MITF: variants seen among roughly 807,000 people sequenced by gnomAD.
MITF encodes the protein microphthalmia-associated transcription factor.
Under a neutral mutation model 60.5 loss-of-function variants are expected in MITF, and 17 were observed. The ratio of observed to expected loss-of-function variants is 0.28; its 90% CI spans 0.19 to 0.42. MITF has a LOEUF of 0.42. MITF is among the 10% of genes least tolerant of loss of function. The probability of loss-of-function intolerance (pLI) is 1.00; values close to 1 mark genes in which losing one functional copy is unlikely to be tolerated. For missense variants in MITF, 622 were observed against 683.5 expected, an observed-to-expected ratio of 0.91 and a Z score of 1.00; for synonymous variants, 260 against 248.5, an observed-to-expected ratio of 1.05 and a Z score of -0.43.
chr3:69,760,321 T>C (rs918742955), intron 1 of MITF, among the ~76,000 whole-genome samples: 6 of 152,034 alleles, frequency 3.9e-5, no homozygotes, highest in South Asian at 2.1e-4. Flanking sequence ...AGCCCCCAGA[T>C]TGGGGCCTAG....
intron 7 of MITF, among the ~76,000 whole-genome samples, chr3:69,955,968 G>A (rs996704773): frequency 3.3e-5 from 5 of 152,168 alleles, no homozygotes; most frequent in South Asian, 2.1e-4. Flanking sequence ...AGTAAAAAAT[G>A]TGTGGAAATT....
chr3:69,774,885 A>T (rs1430867469), intron 1 of MITF, among the ~76,000 whole-genome samples: 1 of 152,126 alleles, frequency 6.6e-6, no homozygotes, highest in African/African-American at 2.4e-5. Context: ...GCTGGAGGGG[A>T]AACTGAGGTT....
chr3:69,814,456 G>A (rs1411791001), intron 1 of MITF, among the ~76,000 whole-genome samples: 1 of 152,016 alleles, frequency 6.6e-6, no homozygotes, highest in Non-Finnish European at 1.5e-5. Flanking sequence ...ATCCTCTCAA[G>A]TAGCTCGAAC....
intron 8 of MITF, among the ~76,000 whole-genome samples, chr3:69,958,986 G>T (rs1039747801): frequency 1.4e-5 from 2 of 140,702 alleles, no homozygotes; most frequent in African/African-American, 5.2e-5. Flanking sequence ...TGATACAATG[G>T]ACTTTGGGGA....
intron 5 of MITF, among the ~76,000 whole-genome samples, chr3:69,947,613 G>A (rs2066130827): frequency 6.6e-6 from 1 of 152,002 alleles, no homozygotes; most frequent in Non-Finnish European, 1.5e-5. Context: ...TGTGTATGGG[G>A]GTATGTGTAT....
intron 1 of MITF, among the ~76,000 whole-genome samples, chr3:69,777,095 TAGTC>T (rs2062486596): frequency 6.6e-6 from 1 of 152,188 alleles, no homozygotes; most frequent in Admixed American, 6.5e-5. Flanking sequence ...AGATCAGAGT[TAGTC>T]AGGGTCAGTG....
chr3:69,802,930 A>G (rs2106957988), intron 1 of MITF, among the ~76,000 whole-genome samples: 1 of 152,080 alleles, frequency 6.6e-6, no homozygotes, highest in Middle Eastern at 3.4e-3. Context: ...GGCATGTGCC[A>G]CCATGCCTAG....
intron 1 of MITF, among the ~76,000 whole-genome samples, chr3:69,813,324 C>T (rs1352604323): frequency 1.3e-5 from 2 of 152,180 alleles, no homozygotes; most frequent in Non-Finnish European, 2.9e-5. Flanking sequence ...TTCCATTATG[C>T]ATTTACACCA....
At chr3:69,830,810 C>T (rs573222364) in intron 1 of MITF, among the ~76,000 whole-genome samples, 1 of 152,292 alleles carries the variant, frequency 6.6e-6, no homozygotes, top group East Asian at 1.9e-4. Flanking sequence ...TACTGCATCC[C>T]ATCGGTTATG....
At chr3:69,916,571 G>A (rs2065340158) in intron 2 of MITF, among the ~76,000 whole-genome samples, 1 of 152,080 alleles carries the variant, frequency 6.6e-6, no homozygotes, top group African/African-American at 2.4e-5. Context: ...TTTTATGTAG[G>A]CAAGCTATGT....
chr3:69,875,878 C>T (rs960097269), intron 1 of MITF, among the ~76,000 whole-genome samples: 7 of 152,180 alleles, frequency 4.6e-5, no homozygotes, highest in African/African-American at 1.2e-4. Flanking sequence ...GGAAATATCC[C>T]GCAGGGAGTG....
intron 1 of MITF, chr3:69,752,374 G>T: frequency 6.6e-6 from 1 of 152,206 alleles, no homozygotes; most frequent in East Asian, 1.9e-4. Flanking sequence ...TTAAATGGTT[G>T]TGAACAAAAT....
chr3:69,874,600 C>T (rs760651209), intron 1 of MITF, among the ~76,000 whole-genome samples: 24 of 152,212 alleles, frequency 1.6e-4, no homozygotes, highest in Non-Finnish European at 3.2e-4. Flanking sequence ...CCCAGCTGAA[C>T]TCTGCCTGAG....
intron 1 of MITF, among the ~76,000 whole-genome samples, chr3:69,860,900 A>T (rs2064004727): frequency 6.6e-6 from 1 of 152,180 alleles, no homozygotes; most frequent in Non-Finnish European, 1.5e-5. Context: ...TCACTGTTAC[A>T]GGCAGATCTG....
intron 1 of MITF, among the ~76,000 whole-genome samples, chr3:69,775,776 C>A (rs2062464106): frequency 6.6e-6 from 1 of 152,054 alleles, no homozygotes; most frequent in African/African-American, 2.4e-5. Context: ...GCATAGAAAA[C>A]TGACTGGGAC....
chr3:69,911,667 T>G (rs751617414), intron 2 of MITF, among the ~76,000 whole-genome samples: 1 of 152,162 alleles, frequency 6.6e-6, no homozygotes, highest in Non-Finnish European at 1.5e-5. Flanking sequence ...GCATAGACAG[T>G]TCACAAAAAT....
rs183388274 is a variant in MITF, at chr3:69,762,027, T to C, written c.104+22326T>C. 4.6e-5 allele frequency among the ~76,000 whole-genome samples: 7 copies of C among 152,350 alleles called. No homozygotes were observed. In the East Asian group the frequency reaches 1.4e-3, roughly 29 times the overall value. On this transcript the variant is annotated intron_variant, in intron 1 of 9. Transcript: ENST00000352241. The stretch of plus-strand genomic sequence containing the variant: ...CTATTTTTGTGTGTCTTCATAAATT[T>C]ATAGCCAGTCTGTTCCATTCTGGAC...
At chr3:69,938,671 A>G (rs961908109) in intron 3 of MITF, 5 of 1,323,410 alleles carry the variant, frequency 3.8e-6, no homozygotes, top group East Asian at 3.0e-5. Context: ...ACTACCTTCA[A>G]GCTAATTGGT....
chr3:69,767,449 G>T (rs548890236), intron 1 of MITF, among the ~76,000 whole-genome samples: 1 of 152,144 alleles, frequency 6.6e-6, no homozygotes, highest in South Asian at 2.1e-4. Context: ...GCTAGGTGTG[G>T]TGGTGTGCAC....
Sources: gnomAD v4.1 joint callset for allele counts (sites outside exome capture counted in the v4.1 genomes callset) on GRCh38, gnomAD v4.1.1 for gene constraint, MANE v1.5 for transcripts, NCBI Gene and HGNC (gene_info 2026-07-23, HGNC 2026-07-21) for gene names.